Variants in NPAS3 observed in about 807,000 individuals in gnomAD.
NPAS3 encodes neuronal PAS domain-containing protein 3.
A neutral mutation model predicts 73.1 loss-of-function variants in NPAS3; 14 were observed. The ratio of observed to expected loss-of-function variants is 0.19; its 90% CI spans 0.13 to 0.30. The LOEUF is 0.30. NPAS3 is among the 10% of genes least tolerant of loss of function. The pLI, the probability that NPAS3 is intolerant of heterozygous loss-of-function variation, is 1.00. For missense variants in NPAS3, 1,096 were observed against 1,250.0 expected (o/e 0.88, Z 1.86); for synonymous variants, 620 against 541.5 (o/e 1.14, Z -2.01).
chr14:33,659,684 T>C (rs895993602), intron 5 of NPAS3, among the ~76,000 whole-genome samples: 1 of 152,130 alleles, frequency 6.6e-6, no homozygotes, highest in Non-Finnish European at 1.5e-5. Context: ...ATTCTACTAA[T>C]AGTTTACTAG....
intron 4 of NPAS3, among the ~76,000 whole-genome samples, chr14:33,421,208 G>T (rs10483443): frequency 2.0e-5 from 3 of 151,358 alleles, no homozygotes; most frequent in Non-Finnish European, 4.4e-5. Flanking sequence ...GAAGTTGTCC[G>T]TACTGTGACT....
rs577831024 is a variant in NPAS3, at chr14:33,559,268, T to C, written c.469-853T>C. Among the ~76,000 whole-genome samples, 186 of 152,314 alleles carry C rather than the reference T, an allele frequency of 1.2e-3. 1 individual carries two copies. In the Middle Eastern group the frequency reaches 0.02, roughly 17 times the overall value. ...CAAAACAGGATTACAGTTTGTAAGA[T>C]TGCAGCCCATAAACATTATCCCTTA... On this transcript the variant is annotated intron_variant, in intron 4 of 11. Transcript: ENST00000356141.
intron 1 of NPAS3, among the ~76,000 whole-genome samples, chr14:33,015,610 A>T (rs976061702): frequency 4.6e-5 from 7 of 152,172 alleles, no homozygotes; most frequent in African/African-American, 1.4e-4. Flanking sequence ...GAAGCAGATT[A>T]AAAAAATGCA....
At chr14:33,285,989 C>A (rs1248770904) in intron 3 of NPAS3, among the ~76,000 whole-genome samples, 1 of 152,162 alleles carries the variant, frequency 6.6e-6, no homozygotes, top group Non-Finnish European at 1.5e-5. Context: ...TCATAGCACC[C>A]CTTACACTGT....
chr14:33,191,007 T>C (rs538055281), intron 2 of NPAS3, among the ~76,000 whole-genome samples: 1 of 152,234 alleles, frequency 6.6e-6, no homozygotes, highest in South Asian at 2.1e-4. Flanking sequence ...AGTCACATGA[T>C]GTATTCAGAA....
rs3057435 is a variant in NPAS3, at chr14:33,077,774, G to GTTTTTTTTTTTTTTTTTTTTTTTT, written c.140+21795_140+21796insTTTTTTTTTTTTTTTTTTTTTTTT. Among the ~76,000 whole-genome samples the GTTTTTTTTTTTTTTTTTTTTTTTT allele has an allele frequency of 1.6e-4, 14 of 87,484 alleles. 1 individual carries two copies. The highest frequency in any genetic ancestry group is 5.1e-4 in the South Asian group (1 of 1,950). The allele number at this position is 87,484 out of a possible 152,430, so 57.4% of individuals were successfully genotyped here. ...CTTTGCTCAAAACATTGCAGTAAGG[G>GTTTTTTTTTTTTTTTTTTTTTTTT]TTTTTTTTTTTTTTTGCCCCTTTTG... On this transcript the variant is annotated intron_variant, in intron 2 of 11. Transcript: ENST00000356141.
At chr14:33,001,595 T>A (rs2038808924) in intron 1 of NPAS3, among the ~76,000 whole-genome samples, 1 of 152,126 alleles carries the variant, frequency 6.6e-6, no homozygotes, top group African/African-American at 2.4e-5. Flanking sequence ...GTCTCTTCAT[T>A]CTTGTATTAC....
intron 4 of NPAS3, among the ~76,000 whole-genome samples, chr14:33,487,116 G>A (rs2051645145): frequency 6.6e-6 from 1 of 152,090 alleles, no homozygotes; most frequent in Non-Finnish European, 1.5e-5. Context: ...CTTTATAACA[G>A]CAGAGTTTTT....
intron 3 of NPAS3, among the ~76,000 whole-genome samples, chr14:33,216,348 C>T (rs1410341903): frequency 6.6e-6 from 1 of 152,110 alleles, no homozygotes; most frequent in Non-Finnish European, 1.5e-5. Context: ...TCCCTGTACT[C>T]TTGGCTATGA....
intron 5 of NPAS3, among the ~76,000 whole-genome samples, chr14:33,563,537 C>CACACAGAGAGAGAG: frequency 8.4e-6 from 1 of 119,698 alleles, no homozygotes; most frequent in African/African-American, 3.7e-5. Flanking sequence ...CACACACACA[C>CACACAGAGAGAGAG]AGAGAGAGAG....
intron 7 of NPAS3, among the ~76,000 whole-genome samples, chr14:33,769,736 A>G (rs992439526): frequency 7.1e-6 from 1 of 141,576 alleles, no homozygotes; most frequent in African/African-American, 2.6e-5. Flanking sequence ...CCAGCCCTGA[A>G]AGACTTGGAT....
intron 4 of NPAS3, among the ~76,000 whole-genome samples, chr14:33,402,204 C>T (rs1415738890): frequency 2.0e-5 from 3 of 151,994 alleles, no homozygotes; most frequent in Admixed American, 2.0e-4. Context: ...CTTTCAAAAG[C>T]AACATTTGCT....
intron 4 of NPAS3, among the ~76,000 whole-genome samples, chr14:33,397,842 C>T (rs574561898): frequency 3.2e-4 from 48 of 152,126 alleles, no homozygotes; most frequent in Non-Finnish European, 6.2e-4. Flanking sequence ...AGAGAAGGCA[C>T]TTGATCGGAT....
intron 6 of NPAS3, among the ~76,000 whole-genome samples, chr14:33,708,054 G>A (rs1220888909): frequency 6.6e-6 from 1 of 151,926 alleles, no homozygotes; most frequent in Non-Finnish European, 1.5e-5. Flanking sequence ...TCATCGAGCA[G>A]CCACAAAAAA....
At chr14:32,952,540 A>G (rs1410912511) in intron 1 of NPAS3, among the ~76,000 whole-genome samples, 19 of 152,068 alleles carry the variant, frequency 1.2e-4, no homozygotes, top group Non-Finnish European at 1.5e-5. Context: ...ACATTAGTCA[A>G]CACTTTGAAG....
At chr14:33,476,010 G>A (rs905120487) in intron 4 of NPAS3, among the ~76,000 whole-genome samples, 3 of 152,174 alleles carry the variant, frequency 2.0e-5, no homozygotes, top group Non-Finnish European at 2.9e-5. Context: ...AGCCATGGCT[G>A]CGCTTTCCCT....
At chr14:33,233,394 T>G (rs1331438127) in intron 3 of NPAS3, among the ~76,000 whole-genome samples, 6 of 152,192 alleles carry the variant, frequency 3.9e-5, no homozygotes, top group Admixed American at 3.9e-4. Flanking sequence ...TTGTTTTGGA[T>G]GCAAATGAAT....
At chr14:33,782,896 A>G (rs919829672) in intron 9 of NPAS3, among the ~76,000 whole-genome samples, 4 of 152,120 alleles carry the variant, frequency 2.6e-5, no homozygotes, top group African/African-American at 9.7e-5. Flanking sequence ...TAACAAAACT[A>G]ATATACAGCT....
chr14:33,720,331 G>A (rs1471012270), intron 6 of NPAS3, among the ~76,000 whole-genome samples: 1 of 152,136 alleles, frequency 6.6e-6, no homozygotes, highest in Non-Finnish European at 1.5e-5. Context: ...ACAGAGGGGT[G>A]AGTTGGAACA....
Sources: gnomAD v4.1 joint callset for allele counts (sites outside exome capture counted in the v4.1 genomes callset) on GRCh38, gnomAD v4.1.1 for gene constraint, MANE v1.5 for transcripts, NCBI Gene and HGNC (gene_info 2026-07-23, HGNC 2026-07-21) for gene names.